RNF220: variants seen among roughly 807,000 people sequenced by gnomAD.
RNF220 encodes the protein ring finger protein 220.
In RNF220, 7 loss-of-function variants were observed where a neutral mutation model predicts 67.1. The ratio of observed to expected loss-of-function variants is 0.10; its 90% CI spans 0.06 to 0.20. The LOEUF is 0.20. Among genes scored for constraint, RNF220 ranks in the 10% least tolerant of loss-of-function variants. The probability of loss-of-function intolerance (pLI) is 1.00; values close to 1 mark genes in which losing one functional copy is unlikely to be tolerated. For missense variants in RNF220, 565 were observed against 740.3 expected, an observed-to-expected ratio of 0.76 and a Z score of 2.75; for synonymous variants, 270 against 283.2, an observed-to-expected ratio of 0.95 and a Z score of 0.47.
chr1:44,478,729 A>AAG, intron 2 of RNF220, among the ~76,000 whole-genome samples: 1 of 152,188 alleles, frequency 6.6e-6, no homozygotes, highest in South Asian at 2.1e-4. Context: ...CTCTAAAAAA[A>AAG]AGAGAGAGAG....
At chr1:44,585,145 C>T (rs918443713) in intron 2 of RNF220, among the ~76,000 whole-genome samples, 4 of 152,216 alleles carry the variant, frequency 2.6e-5, no homozygotes, top group Admixed American at 1.3e-4. Flanking sequence ...CGTCTCCTGA[C>T]TCCCCAGGCC....
chr1:44,453,062 C>A (rs937305838), intron 2 of RNF220, among the ~76,000 whole-genome samples: 1 of 152,078 alleles, frequency 6.6e-6, no homozygotes, highest in African/African-American at 2.4e-5. Flanking sequence ...AGTTTAGTTG[C>A]ATGTATTTTA....
intron 2 of RNF220, among the ~76,000 whole-genome samples, chr1:44,544,484 T>C (rs1256650540): frequency 1.3e-5 from 2 of 152,200 alleles, no homozygotes; most frequent in African/African-American, 4.8e-5. Flanking sequence ...AAGTGCTGAG[T>C]GCAGAGTCTG....
chr1:44,458,406 A>G (rs1653419390), intron 2 of RNF220, among the ~76,000 whole-genome samples: 1 of 151,820 alleles, frequency 6.6e-6, no homozygotes, highest in South Asian at 2.1e-4. Context: ...CCTGGGTTCA[A>G]ATCCTGGATG....
rs1386405197 is a variant in RNF220, at chr1:44,621,666, T to C, written c.759-1076T>C. 6.6e-6 allele frequency among the ~76,000 whole-genome samples: 1 copy of C among 152,192 alleles called. No individual in the cohort carries two copies. The highest frequency in any genetic ancestry group is 1.5e-5 in the Non-Finnish European group (1 of 68,040). On this transcript the variant is annotated intron_variant, in intron 3 of 14. Coordinates refer to ENST00000361799, the MANE Select transcript of RNF220 (RefSeq NM_018150.4). The surrounding 1 kb of genome is among the most constrained non-coding windows in gnomAD (Gnocchi z 4.8). ...TGTCCGGTACGTTTGTGTCTGGCCC[T>C]GTGGGTGTCTGAGCTCATCTGTGGA...
chr1:44,623,871 C>A (rs1573085869), intron 4 of RNF220, among the ~76,000 whole-genome samples: 1 of 152,308 alleles, frequency 6.6e-6, no homozygotes, highest in African/African-American at 2.4e-5. Context: ...AGCAGTCAAA[C>A]AGGGAAAGAC....
intron 2 of RNF220, among the ~76,000 whole-genome samples, chr1:44,584,789 C>T (rs1665572838): frequency 6.6e-6 from 1 of 152,234 alleles, no homozygotes; most frequent in Non-Finnish European, 1.5e-5. Context: ...ACCTCTGCCT[C>T]CCAGGTTCAA....
Position 44,412,754 on chromosome 1 carries a change from C to T in RNF220, c.625+32C>T, listed in dbSNP as rs761162746. 1 of 1,589,786 alleles carries T rather than the reference C, an allele frequency of 6.3e-7. No homozygotes were observed. The highest frequency in any genetic ancestry group is 1.7e-5 in the Admixed American group (1 of 58,260). On this transcript the variant is annotated intron_variant, in intron 2 of 14. Coordinates refer to ENST00000361799, the MANE Select transcript of RNF220 (RefSeq NM_018150.4). The surrounding 1 kb of genome is among the most constrained non-coding windows in gnomAD (Gnocchi z 5.3). ...ACTTTGGTTCCAGCCCTCCCTTACC[C>T]CCAGTAAGCCCTGCCTCACCGTGAT...
intron 2 of RNF220, among the ~76,000 whole-genome samples, chr1:44,510,257 A>G: frequency 1.4e-5 from 2 of 143,766 alleles, no homozygotes; most frequent in Admixed American, 7.0e-5. Context: ...GGAAAGAGAG[A>G]GAGAGAGAGG....
chr1:44,447,852 G>C (rs1652261487), intron 2 of RNF220, among the ~76,000 whole-genome samples: 1 of 152,154 alleles, frequency 6.6e-6, no homozygotes, highest in Non-Finnish European at 1.5e-5. Context: ...CATGCTGCCT[G>C]TGCTGTTCAG....
At position 44,635,534 on chromosome 1, in the gene RNF220, TC is replaced by T. The variant is rs138968266; in HGVS notation, c.950-7del. ...CTTGTTCTGTGCTTTGTTTTCGGTT[TC>T]CCCGTGCAGCTCGGATTGGGAAAAT... is the stretch of plus-strand genomic sequence containing the variant. On this transcript the variant is annotated splice_polypyrimidine_tract_variant and intron_variant, in intron 6 of 14. Coordinates refer to ENST00000361799, the MANE Select transcript of RNF220 (RefSeq NM_018150.4). The T allele has an allele frequency of 0.018, 28,739 of 1,613,412 alleles. 1,169 individuals are homozygous for T. Among genetic ancestry groups the T allele is most frequent in the Admixed American group, 0.12 (6,962 of 59,946 alleles).
chr1:44,499,315 C>A (rs1229922650), intron 2 of RNF220, among the ~76,000 whole-genome samples: 1 of 152,146 alleles, frequency 6.6e-6, no homozygotes, highest in East Asian at 1.9e-4. Flanking sequence ...CTTTAGGTCA[C>A]CCCCTCTCCT....
intron 2 of RNF220, among the ~76,000 whole-genome samples, chr1:44,581,123 G>T (rs764858987): frequency 6.6e-6 from 1 of 152,226 alleles, no homozygotes; most frequent in Non-Finnish European, 1.5e-5. Flanking sequence ...ATCGGGGAAG[G>T]TTCATTTGAT....
intron 2 of RNF220, among the ~76,000 whole-genome samples, chr1:44,443,622 A>G (rs974416055): frequency 3.3e-5 from 5 of 152,182 alleles, no homozygotes; most frequent in Non-Finnish European, 5.9e-5. Context: ...TTAGCTTTTC[A>G]TTTATAAGCA....
chr1:44,508,087 G>T (rs753957134), intron 2 of RNF220, among the ~76,000 whole-genome samples: 4 of 152,004 alleles, frequency 2.6e-5, no homozygotes, highest in Non-Finnish European at 5.9e-5. Flanking sequence ...GTGGGCGTGT[G>T]GGGGTGGTGG....
chr1:44,520,085 TTGTGTGTG>T (rs1167831790), intron 2 of RNF220, among the ~76,000 whole-genome samples: 151 of 106,448 alleles, frequency 1.4e-3, no homozygotes, highest in African/African-American at 4.0e-3. Context: ...AAGTCCAGCA[TTGTGTGTG>T]TGTGTGTGTG....
chr1:44,447,446 G>C (rs1652222251), intron 2 of RNF220, among the ~76,000 whole-genome samples: 1 of 152,158 alleles, frequency 6.6e-6, no homozygotes, highest in Non-Finnish European at 1.5e-5. Context: ...CCTATTTTAA[G>C]TCACTAGCAT....
At chr1:44,507,537 C>G (rs1658543854) in intron 2 of RNF220, among the ~76,000 whole-genome samples, 1 of 151,810 alleles carries the variant, frequency 6.6e-6, no homozygotes, top group South Asian at 2.1e-4. Context: ...TCGGGGTAAT[C>G]CAGTTAGAGT....
intron 2 of RNF220, among the ~76,000 whole-genome samples, chr1:44,503,232 G>A (rs908586416): frequency 6.6e-6 from 1 of 151,226 alleles, no homozygotes; most frequent in Non-Finnish European, 1.5e-5. Context: ...TATTTGGGAG[G>A]CTGAGGCAGG....
Sources: gnomAD v4.1 joint callset for allele counts (sites outside exome capture counted in the v4.1 genomes callset) on GRCh38, gnomAD v4.1.1 for gene constraint, Gnocchi (gnomAD v3.1) non-coding constraint, MANE v1.5 for transcripts, NCBI Gene and HGNC (gene_info 2026-07-23, HGNC 2026-07-21) for gene names.